OXCT1: variants seen among roughly 807,000 people sequenced by gnomAD.
OXCT1 encodes the protein succinyl-CoA:3-ketoacid coenzyme A transferase 1, mitochondrial.
In OXCT1, 27 loss-of-function variants were observed where a neutral mutation model predicts 69.6. The ratio of observed to expected loss-of-function variants is 0.39; its 90% CI spans 0.29 to 0.54. OXCT1 has a LOEUF of 0.54. Among genes scored for constraint, OXCT1 ranks in the 20% least tolerant of loss-of-function variants. The pLI is 0.72. For synonymous variants in OXCT1, 202 were observed against 217.8 expected (o/e 0.93, Z 0.64); for missense variants, 437 against 650.2 (o/e 0.67, Z 3.57).
At chr5:41,867,219 C>G (rs1277293870) in intron 1 of OXCT1, among the ~76,000 whole-genome samples, 1 of 152,126 alleles carries the variant, frequency 6.6e-6, no homozygotes, top group African/African-American at 2.4e-5. Flanking sequence ...TGTCACAACT[C>G]AAAGGAAGCC....
intron 5 of OXCT1, among the ~76,000 whole-genome samples, chr5:41,845,361 C>G (rs911798562): frequency 2.6e-5 from 4 of 152,156 alleles, no homozygotes; most frequent in Non-Finnish European, 4.4e-5. Context: ...AATTAATTCT[C>G]TTTGCTGTTA....
At chr5:41,842,870 C>T (rs1748705212) in intron 5 of OXCT1, 89 bp from the exon 6 acceptor site, 3 of 910,424 alleles carry the variant, frequency 3.3e-6, no homozygotes, top group East Asian at 2.4e-5. Context: ...AATAAGGATA[C>T]AAGCCTACTG....
intron 13 of OXCT1, among the ~76,000 whole-genome samples, chr5:41,773,074 A>G (rs1000927760): frequency 7.2e-5 from 11 of 152,222 alleles, no homozygotes; most frequent in African/African-American, 2.7e-4. Context: ...AAACCAGTTA[A>G]AAGAACGACT....
rs369781369 is a variant in OXCT1 at position 41,855,243 on chromosome 5, A to G, written c.279-1689T>C. The stretch of plus-strand genomic sequence containing the variant: ...TCTATGAGAATCAAAAGTAAGGCTA[A>G]CGATTAATATTGGTAGTGGGAGAAG... On this transcript the variant is annotated intron_variant, in intron 3 of 16. Coordinates refer to ENST00000196371, the MANE Select transcript of OXCT1 (RefSeq NM_000436.4). Among the ~76,000 whole-genome samples the G allele has an allele frequency of 9.7e-4, 148 of 152,354 alleles. 1 individual carries two copies. Among genetic ancestry groups the G allele is most frequent in the African/African-American group, 3.5e-3 (145 of 41,586 alleles).
At chr5:41,768,532 G>T (rs1267527281) in intron 13 of OXCT1, among the ~76,000 whole-genome samples, 1 of 152,078 alleles carries the variant, frequency 6.6e-6, no homozygotes, top group East Asian at 1.9e-4. Flanking sequence ...AAATTTCCTG[G>T]CTCAGTTAAT....
At chr5:41,865,552 T>C (rs1749924644) in intron 1 of OXCT1, among the ~76,000 whole-genome samples, 1 of 152,182 alleles carries the variant, frequency 6.6e-6, no homozygotes, top group Non-Finnish European at 1.5e-5. Flanking sequence ...TACTAACAGG[T>C]CAACTTATAC....
intron 7 of OXCT1, among the ~76,000 whole-genome samples, chr5:41,814,909 C>T (rs1259085408): frequency 6.6e-6 from 1 of 151,906 alleles, no homozygotes; most frequent in Non-Finnish European, 1.5e-5. Flanking sequence ...AAAGAGTCTT[C>T]CTTTCTCTGT....
intron 16 of OXCT1, among the ~76,000 whole-genome samples, chr5:41,737,106 T>C (rs578038315): frequency 3.4e-4 from 52 of 152,354 alleles, no homozygotes; most frequent in Middle Eastern, 3.4e-3. Flanking sequence ...TGTCAGAGTG[T>C]AAAGAGATGC....
At chr5:41,791,896 C>T (rs1177807474) in intron 13 of OXCT1, among the ~76,000 whole-genome samples, 2 of 152,098 alleles carry the variant, frequency 1.3e-5, no homozygotes, top group Non-Finnish European at 2.9e-5. Flanking sequence ...CTCCGCCTCC[C>T]GGGTGCACGC....
intron 7 of OXCT1, among the ~76,000 whole-genome samples, chr5:41,812,222 C>T (rs1747017425): frequency 6.6e-6 from 1 of 151,778 alleles, no homozygotes; most frequent in Non-Finnish European, 1.5e-5. Flanking sequence ...TGGAAATAGA[C>T]CAGGAAGTGA....
chr5:41,823,245 G>A (rs1240502669), intron 7 of OXCT1, among the ~76,000 whole-genome samples: 2 of 152,110 alleles, frequency 1.3e-5, no homozygotes, highest in African/African-American at 4.8e-5. Flanking sequence ...GTTAAAAAGA[G>A]AACGCTCTGG....
intron 7 of OXCT1, among the ~76,000 whole-genome samples, chr5:41,810,075 G>A (rs1746890333): frequency 6.6e-6 from 1 of 151,470 alleles, no homozygotes; most frequent in Admixed American, 6.6e-5. Flanking sequence ...GACAATCTAT[G>A]AAAAGAGTTT....
intron 3 of OXCT1, among the ~76,000 whole-genome samples, chr5:41,860,909 T>C (rs1045841719): frequency 7.2e-5 from 11 of 152,052 alleles, no homozygotes; most frequent in African/African-American, 2.4e-4. Flanking sequence ...GAAAGGGCTT[T>C]AAACAGATTT....
intron 16 of OXCT1, 81 bp from the exon 17 acceptor site, chr5:41,731,851 T>C (rs1383887953): frequency 1.3e-6 from 2 of 1,504,824 alleles, no homozygotes; most frequent in Non-Finnish European, 1.8e-6. Context: ...CAAATTTCAA[T>C]CATGTAGGCA....
intron 7 of OXCT1, among the ~76,000 whole-genome samples, chr5:41,826,360 C>T (rs561113463): frequency 1.3e-5 from 2 of 152,234 alleles, no homozygotes; most frequent in East Asian, 3.9e-4. Flanking sequence ...GCCTTGCCAG[C>T]TGCCATTTAC....
intron 7 of OXCT1, among the ~76,000 whole-genome samples, chr5:41,824,154 C>T (rs1747694914): frequency 6.6e-6 from 1 of 152,182 alleles, no homozygotes; most frequent in Admixed American, 6.5e-5. Flanking sequence ...TAGATCTTAA[C>T]TCTTCCCCCT....
chr5:41,842,876 T>C (rs1473045897), intron 5 of OXCT1, 95 bp from the exon 6 acceptor site: 2 of 869,420 alleles, frequency 2.3e-6, no homozygotes, highest in African/African-American at 3.3e-5. Context: ...GATACAAGCC[T>C]ACTGAGGGAA....
chr5:41,765,214 G>A (rs753032004), intron 13 of OXCT1, among the ~76,000 whole-genome samples: 12 of 152,094 alleles, frequency 7.9e-5, no homozygotes, highest in Admixed American at 4.6e-4. Context: ...TCCAGTTAGG[G>A]GTGGCCATGT....
At chr5:41,774,510 G>A (rs1745031295) in intron 13 of OXCT1, among the ~76,000 whole-genome samples, 2 of 152,070 alleles carry the variant, frequency 1.3e-5, no homozygotes, top group South Asian at 4.1e-4. Flanking sequence ...AGTGCTCAAT[G>A]AAAAACAAAA....
Sources: allele counts gnomAD v4.1 joint callset (sites outside exome capture counted in the v4.1 genomes callset), GRCh38; gene constraint gnomAD v4.1.1; transcripts MANE v1.5; gene names NCBI Gene and HGNC (gene_info 2026-07-23, HGNC 2026-07-21).